OXCT1: variants seen among roughly 807,000 people sequenced by gnomAD.
OXCT1 encodes the protein 3-oxoacid CoA-transferase 1.
OXCT1 carries 27 observed loss-of-function variants against 69.6 expected under a neutral mutation model. The observed-to-expected ratio is 0.39, with a 90% confidence interval of 0.29 to 0.54. OXCT1 has a LOEUF of 0.54. Among genes scored for constraint, OXCT1 ranks in the 20% least tolerant of loss-of-function variants. The probability of loss-of-function intolerance (pLI) is 0.72; values close to 1 mark genes in which losing one functional copy is unlikely to be tolerated. For synonymous variants in OXCT1, 202 were observed against 217.8 expected, an observed-to-expected ratio of 0.93 and a Z score of 0.64; for missense variants, 437 against 650.2, an observed-to-expected ratio of 0.67 and a Z score of 3.57.
chr5:41,820,872 G>A (rs1747512207), intron 7 of OXCT1, among the ~76,000 whole-genome samples: 1 of 152,066 alleles, frequency 6.6e-6, no homozygotes, highest in Non-Finnish European at 1.5e-5. Context: ...GAAGTGGAGA[G>A]GGATTGGGTG....
At chr5:41,859,641 A>G (rs1749624483) in intron 3 of OXCT1, among the ~76,000 whole-genome samples, 1 of 151,896 alleles carries the variant, frequency 6.6e-6, no homozygotes, top group Non-Finnish European at 1.5e-5. Context: ...CCCTTCCCAG[A>G]CAAAATAACT....
At chr5:41,860,987 A>ATTTAATAATTTGCATTATT (rs1320193852) in intron 3 of OXCT1, among the ~76,000 whole-genome samples, 2 of 152,186 alleles carry the variant, frequency 1.3e-5, no homozygotes, top group Non-Finnish European at 2.9e-5. Flanking sequence ...TTTAAATTTT[A>ATTTAATAATTTGCATTATT]AAATGCAAGA....
intron 7 of OXCT1, among the ~76,000 whole-genome samples, chr5:41,833,972 T>A: frequency 6.6e-6 from 1 of 151,490 alleles, no homozygotes; most frequent in Non-Finnish European, 1.5e-5. Flanking sequence ...CATGCCACTG[T>A]ACTCCAGCCT....
chr5:41,767,105 G>A (rs1744642429), intron 13 of OXCT1, among the ~76,000 whole-genome samples: 1 of 152,008 alleles, frequency 6.6e-6, no homozygotes, highest in African/African-American at 2.4e-5. Flanking sequence ...AACTGAGAAA[G>A]ATAACATTAA....
At chr5:41,822,066 G>C (rs1481329300) in intron 7 of OXCT1, among the ~76,000 whole-genome samples, 1 of 151,976 alleles carries the variant, frequency 6.6e-6, no homozygotes, top group Admixed American at 6.6e-5. Context: ...ACTCCTTCTT[G>C]AGTTAGTTTT....
chr5:41,862,722 G>A lies in OXCT1; in HGVS notation c.107C>T (p.Ala36Val), dbSNP rs1456985008. Residue 36 changes from alanine to valine, a missense_variant, in exon 2 of 17, where the codon GCT (alanine) becomes GTT (valine). By Grantham distance (64) the Ala-to-Val change is moderately conservative. This residue lies in a region of OXCT1 where 79 missense variants were observed against 61.5 expected (regional missense o/e 1.28). Transcript: ENST00000196371. ...KGCVCSFSTS[A>V]HRHTKFYTDP... ...TGTATAAAACTTGGTATGGCGATGA[G>A]CACTGGTGGAAAAGGAACAAACACA... The A allele has an allele frequency of 1.2e-6, 2 of 1,610,850 alleles. No homozygotes were observed. Among genetic ancestry groups the A allele is most frequent in the African/African-American group, 1.3e-5 (1 of 74,598 alleles).
In OXCT1 at chr5:41,805,621, C is replaced by T. The variant is rs1377380023; in HGVS notation, c.901G>A (p.Val301Ile). Residue 301 changes from valine to isoleucine, a missense_variant, in exon 9 of 17, where the codon GTA becomes ATA. Around this residue, in one of 4 missense-constraint regions of OXCT1, gnomAD observed 252 missense variants for 397.4 expected, o/e 0.63. Coordinates refer to ENST00000196371, the MANE Select transcript of OXCT1 (RefSeq NM_000436.4). ...GCCCTCTTGATGATTCGTTCCCTTA[C>T]GTCATCTCCAGGTTTAGCAGATTTG... ...EAKSAKPGDDVRERIIKRAAL... is the reference protein window; with the variant it reads ...EAKSAKPGDDIRERIIKRAAL... The T allele has an allele frequency of 8.7e-6, 14 of 1,612,986 alleles. No homozygotes were observed. The highest frequency in any genetic ancestry group is 2.7e-5 in the African/African-American group (2 of 74,932).
At position 41,749,590 on chromosome 5, in the gene OXCT1, G is replaced by A. The variant is rs2112047219; in HGVS notation, c.1356C>T (p.Ile452=). The A allele has an allele frequency of 6.2e-7, 1 of 1,605,554 alleles. No homozygotes were observed. The highest frequency in any genetic ancestry group is 8.5e-7 in the Non-Finnish European group (1 of 1,173,270). The change falls in exon 15 of 17, where the codon ATC becomes ATT. Residue 452 remains isoleucine (I), a synonymous_variant. Coordinates refer to ENST00000196371, the MANE Select transcript of OXCT1 (RefSeq NM_000436.4). ...TCAATGGTAATGTACATTTCTCCAT[G>A]ATTTTATGTGCATTTCCCTGTTTTA... ...EHSAKGNAHK[I]MEKCTLPLTG... is the part of the protein sequence containing the mutation.
intron 16 of OXCT1, 115 bp from the exon 17 acceptor site, chr5:41,731,885 T>A: frequency 8.3e-7 from 1 of 1,199,918 alleles, no homozygotes. Context: ...CCATGGACAT[T>A]CCCTGGAGTT....
rs1749789261 is a variant in OXCT1, at chr5:41,862,644, C to A, written c.185G>T (p.Gly62Val). ...ATGAAAACAGTGTTAGTACTCACCA[C>A]CAACCAAAACCGTGGCACCATCAGG... ...DIPDGATVLV[G>V]GFGLCGIPEN... The change falls in exon 2 of 17, where the codon GGT becomes GTT. Residue 62 changes from glycine to valine, a missense_variant and splice_region_variant. This residue lies in a region of OXCT1 where 252 missense variants were observed against 397.4 expected (regional missense o/e 0.63). Coordinates refer to ENST00000196371, the MANE Select transcript of OXCT1 (RefSeq NM_000436.4). The A allele has an allele frequency of 6.3e-7, 1 of 1,591,348 alleles. No individual in the cohort carries two copies.
At chr5:41,783,961 T>C (rs1249231605) in intron 13 of OXCT1, among the ~76,000 whole-genome samples, 3 of 152,158 alleles carry the variant, frequency 2.0e-5, no homozygotes, top group African/African-American at 7.2e-5. Flanking sequence ...ATGGAGAAAC[T>C]CTTTCACATT....
chr5:41,787,634 CA>C (rs765691863), intron 13 of OXCT1, among the ~76,000 whole-genome samples: 557 of 34,730 alleles, frequency 0.016, no homozygotes, highest in African/African-American at 0.06. Context: ...AAGCATTAGG[CA>C]AAAAAAAAAA....
intron 13 of OXCT1, among the ~76,000 whole-genome samples, chr5:41,766,166 G>A (rs1744587989): frequency 1.3e-5 from 2 of 152,118 alleles, no homozygotes; most frequent in South Asian, 4.1e-4. Flanking sequence ...AGAGATGATT[G>A]CTGGATGCTC....
chr5:41,748,345 G>A (rs947689692), intron 15 of OXCT1, among the ~76,000 whole-genome samples: 5 of 151,964 alleles, frequency 3.3e-5, no homozygotes, highest in Admixed American at 3.3e-4. Flanking sequence ...CTGATGGAAG[G>A]AGGAGAGGAC....
In OXCT1 at chr5:41,731,564, C is replaced by A; in HGVS notation, c.*165G>T. 1 of 1,057,354 alleles carries A rather than the reference C, an allele frequency of 9.5e-7. No individual in the cohort carries two copies. Among genetic ancestry groups the A allele is most frequent in the South Asian group, 1.6e-5 (1 of 61,512 alleles). 65.5% of individuals were successfully genotyped at this position (1,057,354 alleles called of 1,614,324 possible). ...CCTTTTGCTTTTTATTAAAATGTCA[C>A]AGCATGCCTAGAGAACAGTTTATAT... On this transcript the variant is annotated 3_prime_UTR_variant, in exon 17 of 17. Coordinates refer to ENST00000196371, the MANE Select transcript of OXCT1 (RefSeq NM_000436.4).
rs28838579 is a variant in OXCT1 at position 41,848,351 on chromosome 5, T to C, written c.564+1679A>G. On this transcript the variant is annotated intron_variant, in intron 5 of 16. Coordinates refer to ENST00000196371, the MANE Select transcript of OXCT1 (RefSeq NM_000436.4). ...AGAATCAATATCGTGAAAATGGCCA[T>C]ACTGCCCAAGGTAATTTACAGATTC... Among the ~76,000 whole-genome samples, 127 of 148,288 alleles carry C rather than the reference T, an allele frequency of 8.6e-4. 1 individual carries two copies. The highest frequency in any genetic ancestry group is 3.0e-3 in the African/African-American group (120 of 40,612).
At chr5:41,746,190 A>T (rs559448142) in intron 15 of OXCT1, among the ~76,000 whole-genome samples, 9 of 152,226 alleles carry the variant, frequency 5.9e-5, no homozygotes, top group Non-Finnish European at 7.4e-5. Flanking sequence ...GCACATCAAA[A>T]AGCTTATCCA....
At chr5:41,757,648 C>A (rs1466867239) in intron 14 of OXCT1, among the ~76,000 whole-genome samples, 1 of 151,946 alleles carries the variant, frequency 6.6e-6, no homozygotes, top group Non-Finnish European at 1.5e-5. Context: ...AAGAATATTC[C>A]TTTGGTCATT....
At chr5:41,861,948 C>A (rs763892931) in intron 2 of OXCT1, among the ~76,000 whole-genome samples, 3 of 152,136 alleles carry the variant, frequency 2.0e-5, no homozygotes, top group Non-Finnish European at 4.4e-5. Flanking sequence ...GGGTGGCTCA[C>A]GCCTGTAATC....
Sources: gnomAD v4.1 joint callset for allele counts (sites outside exome capture counted in the v4.1 genomes callset) on GRCh38, gnomAD v4.1.1 for gene constraint, gnomAD v4.1.1 regional missense constraint, MANE v1.5 for transcripts, NCBI Gene and HGNC (gene_info 2026-07-23, HGNC 2026-07-21) for gene names.